Variants in ARHGAP24 observed in about 807,000 individuals in gnomAD.
The protein encoded by ARHGAP24 is Rho GTPase activating protein 24, also known as rho GTPase-activating protein 24.
ARHGAP24 carries 50 observed loss-of-function variants against 76.4 expected under a neutral mutation model. That is an observed-to-expected ratio of 0.65 (90% CI 0.52 to 0.83). ARHGAP24 has a LOEUF of 0.83. Among genes scored for constraint, ARHGAP24 ranks in the 40% least tolerant of loss-of-function variants. The pLI is 0.00. For missense variants in ARHGAP24, 930 were observed against 914.2 expected, an observed-to-expected ratio of 1.02 and a Z score of -0.22; for synonymous variants, 345 against 323.3, an observed-to-expected ratio of 1.07 and a Z score of -0.72.
chr4:85,799,143 CAA>C (rs764823324), intron 3 of ARHGAP24, among the ~76,000 whole-genome samples: 10 of 152,170 alleles, frequency 6.6e-5, no homozygotes, highest in Middle Eastern at 3.4e-3. Context: ...AGAGAGGCTG[CAA>C]AGTGTGAGGC....
At chr4:85,504,342 G>A (rs1723945324) in intron 1 of ARHGAP24, among the ~76,000 whole-genome samples, 1 of 152,116 alleles carries the variant, frequency 6.6e-6, no homozygotes. Flanking sequence ...TTATTATTGT[G>A]TGGGAGTCTA....
chr4:85,715,247 T>C (rs896572300), intron 2 of ARHGAP24, among the ~76,000 whole-genome samples: 3 of 152,114 alleles, frequency 2.0e-5, no homozygotes, highest in African/African-American at 7.2e-5. Flanking sequence ...TAGTAAAAAC[T>C]GACTTCAAAT....
intron 1 of ARHGAP24, among the ~76,000 whole-genome samples, chr4:85,524,049 T>C (rs989212131): frequency 4.6e-5 from 7 of 152,140 alleles, no homozygotes; most frequent in African/African-American, 1.7e-4. Flanking sequence ...CATTTGCATA[T>C]CTAGGTAGTG....
chr4:85,657,952 GC>G (rs1337514742), intron 2 of ARHGAP24, among the ~76,000 whole-genome samples: 3 of 152,080 alleles, frequency 2.0e-5, no homozygotes, highest in Non-Finnish European at 4.4e-5. Flanking sequence ...ATGAAGTTTT[GC>G]CATGTTGGCC....
At chr4:85,807,420 C>T (rs2110109814) in intron 3 of ARHGAP24, among the ~76,000 whole-genome samples, 1 of 152,130 alleles carries the variant, frequency 6.6e-6, no homozygotes, top group East Asian at 1.9e-4. Flanking sequence ...AATTTTTATC[C>T]CACTCCTGAT....
At chr4:85,528,084 CAATG>C (rs1415586237) in intron 1 of ARHGAP24, among the ~76,000 whole-genome samples, 5 of 152,050 alleles carry the variant, frequency 3.3e-5, no homozygotes, top group Non-Finnish European at 7.4e-5. Flanking sequence ...ATTGTAAAGA[CAATG>C]AATAGAACAC....
At chr4:85,969,909 C>A (rs1056931157) in intron 5 of ARHGAP24, among the ~76,000 whole-genome samples, 3 of 152,118 alleles carry the variant, frequency 2.0e-5, no homozygotes, top group South Asian at 2.1e-4. Context: ...TTTAAGATGA[C>A]CTCTTCTATA....
chr4:85,623,250 A>T (rs1560557277), intron 2 of ARHGAP24, among the ~76,000 whole-genome samples: 1 of 152,112 alleles, frequency 6.6e-6, no homozygotes, highest in Non-Finnish European at 1.5e-5. Flanking sequence ...TAAGTCTTTA[A>T]TCCATCTTGA....
intron 4 of ARHGAP24, chr4:85,931,176 C>A (rs914217162): frequency 4.6e-6 from 4 of 874,644 alleles, no homozygotes; most frequent in Non-Finnish European, 1.7e-6. Context: ...GTGATTTGTG[C>A]GTATCCTTGC....
chr4:85,942,373 A>G, intron 5 of ARHGAP24, 100 bp downstream of exon 5: 1 of 1,334,810 alleles, frequency 7.5e-7, no homozygotes, highest in Non-Finnish European at 1.1e-6. Context: ...TGATGTGGTA[A>G]CAGTTTACAA....
chr4:85,661,328 T>A (rs1722377936), intron 2 of ARHGAP24, among the ~76,000 whole-genome samples: 1 of 152,168 alleles, frequency 6.6e-6, no homozygotes, highest in Admixed American at 6.6e-5. Context: ...TCCAGCATTA[T>A]TCTGGTTTAT....
rs1420131347 is a variant in ARHGAP24 at position 85,875,563 on chromosome 4, A to T, written c.269-48085A>T. ...TATTTATATTTTATATTATATTTTT[A>T]TATTATATAATATATAATATATATT... On this transcript the variant is annotated intron_variant, in intron 3 of 9. Transcript: ENST00000395184. Among the ~76,000 whole-genome samples, 20 of 65,450 alleles carry T rather than the reference A, an allele frequency of 3.1e-4. 1 individual carries two copies. In the Admixed American group the frequency reaches 4.3e-3, roughly 14 times the overall value. 42.9% of individuals were successfully genotyped at this position (65,450 alleles called of 152,430 possible).
chr4:85,561,582 T>C (rs1726602465), intron 1 of ARHGAP24, among the ~76,000 whole-genome samples: 1 of 152,234 alleles, frequency 6.6e-6, no homozygotes, highest in Non-Finnish European at 1.5e-5. Context: ...TTTTTCGTTA[T>C]GTAGTTTTTG....
intron 1 of ARHGAP24, among the ~76,000 whole-genome samples, chr4:85,548,279 T>C (rs1204828589): frequency 6.6e-6 from 1 of 152,312 alleles, no homozygotes; most frequent in East Asian, 1.9e-4. Flanking sequence ...CATTGAGAAG[T>C]GGATGGCATT....
chr4:85,990,825 G>T (rs926218655), intron 8 of ARHGAP24: 3 of 151,834 alleles, frequency 2.0e-5, no homozygotes, highest in African/African-American at 7.2e-5. Context: ...ATATATAGAA[G>T]AAAATAATTT....
rs1168999563 is a variant in ARHGAP24, at chr4:85,882,037, G to A, written c.269-41611G>A. Among the ~76,000 whole-genome samples, 6 of 152,004 alleles carry A rather than the reference G, an allele frequency of 3.9e-5. 1 individual carries two copies. Among genetic ancestry groups the A allele is most frequent in the Admixed American group, 6.5e-5 (1 of 15,268 alleles). On this transcript the variant is annotated intron_variant, in intron 3 of 9. Coordinates refer to ENST00000395184, the MANE Select transcript of ARHGAP24 (RefSeq NM_001025616.3). Reference sequence around the variant, plus strand: ...AGAAACCTTTTAAATATTGAAATTTGGAATTTGATGGGGGAAATAAAAATC... The same window carrying A: ...AGAAACCTTTTAAATATTGAAATTTAGAATTTGATGGGGGAAATAAAAATC...
intron 3 of ARHGAP24, among the ~76,000 whole-genome samples, chr4:85,860,326 CA>C (rs1731816045): frequency 6.6e-6 from 1 of 152,044 alleles, no homozygotes; most frequent in Non-Finnish European, 1.5e-5. Flanking sequence ...TCAGAGAATA[CA>C]ATGAAGATGC....
intron 6 of ARHGAP24, 130 bp downstream of exon 6, chr4:85,972,298 C>T: frequency 2.4e-6 from 3 of 1,228,240 alleles, no homozygotes; most frequent in Non-Finnish European, 3.5e-6. Context: ...ATTGACCTCA[C>T]ACACACTGAG....
chr4:85,527,307 A>G (rs1725048141), intron 1 of ARHGAP24, among the ~76,000 whole-genome samples: 1 of 152,114 alleles, frequency 6.6e-6, no homozygotes, highest in African/African-American at 2.4e-5. Flanking sequence ...CATGAGTTTT[A>G]TTTGATTATC....
Sources: gnomAD v4.1 joint callset for allele counts (sites outside exome capture counted in the v4.1 genomes callset) on GRCh38, gnomAD v4.1.1 for gene constraint, MANE v1.5 for transcripts, NCBI Gene and HGNC (gene_info 2026-07-23, HGNC 2026-07-21) for gene names.